Variants in SCAPER observed in about 807,000 individuals in gnomAD.
The protein encoded by SCAPER is S phase cyclin A-associated protein in the endoplasmic reticulum.
A neutral mutation model predicts 182.2 loss-of-function variants in SCAPER; 98 were observed. The ratio of observed to expected loss-of-function variants is 0.54; its 90% CI spans 0.46 to 0.64. The LOEUF is 0.64. SCAPER is among the 30% of genes least tolerant of loss of function. The pLI, the probability that SCAPER is intolerant of heterozygous loss-of-function variation, is 0.00. For synonymous variants in SCAPER, 605 were observed against 564.6 expected, an observed-to-expected ratio of 1.07 and a Z score of -1.01; for missense variants, 1,432 against 1,690.0, an observed-to-expected ratio of 0.85 and a Z score of 2.68.
chr15:76,444,979 T>C (rs150310819), intron 25 of SCAPER, among the ~76,000 whole-genome samples: 1 of 152,362 alleles, frequency 6.6e-6, no homozygotes, highest in Non-Finnish European at 1.5e-5. Context: ...TTATTCTTTA[T>C]ATCTTCTATT....
At chr15:76,757,840 T>A (rs952244012) in intron 14 of SCAPER, among the ~76,000 whole-genome samples, 1 of 152,174 alleles carries the variant, frequency 6.6e-6, no homozygotes, top group Non-Finnish European at 1.5e-5. Flanking sequence ...TCGATTTCCA[T>A]TTCCCCTGAT....
chr15:76,431,706 GC>G (rs2046884128), intron 26 of SCAPER, among the ~76,000 whole-genome samples: 1 of 46,020 alleles, frequency 2.2e-5, no homozygotes, highest in East Asian at 1.1e-3. Flanking sequence ...AAAAAAAAAT[GC>G]TTTGTTTGCT....
chr15:76,681,795 G>T (rs768192857), intron 20 of SCAPER, among the ~76,000 whole-genome samples: 4 of 152,142 alleles, frequency 2.6e-5, no homozygotes, highest in African/African-American at 9.7e-5. Context: ...TTAGAGGGGC[G>T]GTAGGGGCAA....
At chr15:76,691,101 AC>A (rs1247809429) in intron 20 of SCAPER, among the ~76,000 whole-genome samples, 1 of 152,130 alleles carries the variant, frequency 6.6e-6, no homozygotes, top group African/African-American at 2.4e-5. Flanking sequence ...AAAATACCTT[AC>A]AAACTGTCAC....
chr15:76,420,547 T>C (rs1301251526), intron 26 of SCAPER, among the ~76,000 whole-genome samples: 2 of 152,274 alleles, frequency 1.3e-5, no homozygotes, highest in East Asian at 1.9e-4. Flanking sequence ...CCATTTACAA[T>C]AGTAATAATA....
chr15:76,442,259 C>T (rs546771888), intron 25 of SCAPER, among the ~76,000 whole-genome samples: 1 of 152,254 alleles, frequency 6.6e-6, no homozygotes, highest in Admixed American at 6.5e-5. Context: ...AGTTATGTGC[C>T]TCACTGTAAT....
At chr15:76,402,922 T>C (rs961667726) in intron 27 of SCAPER, among the ~76,000 whole-genome samples, 2 of 152,054 alleles carry the variant, frequency 1.3e-5, no homozygotes, top group Admixed American at 6.6e-5. Context: ...TTAAATTCCA[T>C]AGATTTTAAG....
At chr15:76,706,368 A>G (rs558264776) in intron 17 of SCAPER, among the ~76,000 whole-genome samples, 2 of 152,196 alleles carry the variant, frequency 1.3e-5, no homozygotes, top group Non-Finnish European at 2.9e-5. Flanking sequence ...CAAAAAATGG[A>G]CATCAATATT....
At chr15:76,886,750 C>A (rs2073860857) in intron 1 of SCAPER, among the ~76,000 whole-genome samples, 2 of 152,170 alleles carry the variant, frequency 1.3e-5, no homozygotes, top group African/African-American at 2.4e-5. Flanking sequence ...TGGAATCAAC[C>A]TAAATGCCCT....
chr15:76,655,370 C>T (rs1179296016), intron 21 of SCAPER, among the ~76,000 whole-genome samples: 2 of 152,120 alleles, frequency 1.3e-5, no homozygotes, highest in Non-Finnish European at 2.9e-5. Flanking sequence ...AGGAACAAAA[C>T]CTCTGAGAAA....
At chr15:76,882,303 G>A in intron 2 of SCAPER, among the ~76,000 whole-genome samples, 1 of 151,832 alleles carries the variant, frequency 6.6e-6, no homozygotes, top group Non-Finnish European at 1.5e-5. Flanking sequence ...GAGGTGGGAG[G>A]ACTGCTTGAG....
chr15:76,776,288 C>A (rs77438945), intron 8 of SCAPER, among the ~76,000 whole-genome samples: 195 of 152,262 alleles, frequency 1.3e-3, no homozygotes, highest in African/African-American at 4.4e-3. Context: ...CAGAAAATCT[C>A]TTTAGCAATA....
In SCAPER at chr15:76,702,833, T is replaced by C. The variant is rs752881222; in HGVS notation, c.2400+17A>G. 3 of 1,586,180 alleles carry C rather than the reference T, an allele frequency of 1.9e-6. No individual in the cohort carries two copies. The highest frequency in any genetic ancestry group is 1.7e-6 in the Non-Finnish European group (2 of 1,170,546). On this transcript the variant is annotated intron_variant, in intron 19 of 31. Transcript: ENST00000563290. ...AGTAGTAAACTATATCATTACAATA[T>C]TGATATAACAACCTACCAGGACATT...
intron 26 of SCAPER, among the ~76,000 whole-genome samples, chr15:76,430,665 C>T (rs1234227929): frequency 6.6e-6 from 1 of 152,254 alleles, no homozygotes; most frequent in African/African-American, 2.4e-5. Context: ...TCCATTGCAT[C>T]TAAGAAGTAA....
chr15:76,669,809 G>C (rs1418660317), intron 20 of SCAPER, among the ~76,000 whole-genome samples: 1 of 152,188 alleles, frequency 6.6e-6, no homozygotes, highest in Non-Finnish European at 1.5e-5. Context: ...TCTCCGACAT[G>C]TGATTTGATC....
chr15:76,411,997 GT>G (rs1287034498), intron 26 of SCAPER, among the ~76,000 whole-genome samples: 1 of 152,012 alleles, frequency 6.6e-6, no homozygotes, highest in Non-Finnish European at 1.5e-5. Context: ...GATATATATA[GT>G]CCCATATTTT....
At chr15:76,572,915 TCTCTCACACA>T (rs1164413393) in intron 23 of SCAPER, among the ~76,000 whole-genome samples, 1 of 131,164 alleles carries the variant, frequency 7.6e-6, no homozygotes. Context: ...TCTCTCTCTC[TCTCTCACACA>T]CACACACACA....
At chr15:76,411,953 C>T (rs1157519145) in intron 26 of SCAPER, among the ~76,000 whole-genome samples, 1 of 151,984 alleles carries the variant, frequency 6.6e-6, no homozygotes, top group Non-Finnish European at 1.5e-5. Flanking sequence ...TATTTGTATC[C>T]AAATAAATCT....
At chr15:76,879,612 A>G (rs2073403598) in intron 2 of SCAPER, among the ~76,000 whole-genome samples, 1 of 152,184 alleles carries the variant, frequency 6.6e-6, no homozygotes, top group Non-Finnish European at 1.5e-5. Flanking sequence ...AGTGGAGGAA[A>G]AGCAATCAAA....
Sources: allele counts gnomAD v4.1 joint callset (sites outside exome capture counted in the v4.1 genomes callset), GRCh38; gene constraint gnomAD v4.1.1; transcripts MANE v1.5; gene names NCBI Gene and HGNC (gene_info 2026-07-23, HGNC 2026-07-21).